The following DDR2 variants were observed in gnomAD, a reference collection of about 807,000 sequenced individuals.
DDR2 encodes discoidin domain-containing receptor 2.
A neutral mutation model predicts 94.9 loss-of-function variants in DDR2; 27 were observed. That is an observed-to-expected ratio of 0.28 (90% confidence interval 0.21 to 0.39). The LOEUF is 0.39. Among genes scored for constraint, DDR2 ranks in the 10% least tolerant of loss-of-function variants. The pLI, the probability that DDR2 is intolerant of heterozygous loss-of-function variation, is 1.00. For synonymous variants in DDR2, 382 were observed against 377.2 expected (o/e 1.01, Z -0.15); for missense variants, 783 against 1,076.0 (o/e 0.73, Z 3.81).
chr1:162,782,362 C>T lies in DDR2; in HGVS notation c.*2116C>T, dbSNP rs890473047. 1 of 152,150 alleles carries T rather than the reference C, an allele frequency of 6.6e-6. No individual in the cohort carries two copies. The highest frequency in any genetic ancestry group is 1.5e-5 in the Non-Finnish European group (1 of 68,046). The allele number at this position is 152,150 out of a possible 1,614,324, so 9.4% of individuals were successfully genotyped here. On this transcript the variant is annotated 3_prime_UTR_variant, in exon 18 of 18. Coordinates refer to ENST00000367921, the MANE Select transcript of DDR2 (RefSeq NM_006182.4). The stretch of plus-strand genomic sequence containing the variant: ...CATTTCTTGCTCTGAAAATTGTAGT[C>T]AGCAAAAGAGATCATGGAAGAAATC...
intron 3 of DDR2, among the ~76,000 whole-genome samples, chr1:162,743,348 A>T (rs547642631): frequency 6.6e-6 from 1 of 152,170 alleles, no homozygotes; most frequent in East Asian, 1.9e-4. Flanking sequence ...AAGCCTGGGC[A>T]TTATGCTCAC....
At chr1:162,648,694 T>G (rs890459995) in intron 1 of DDR2, among the ~76,000 whole-genome samples, 1 of 152,068 alleles carries the variant, frequency 6.6e-6, no homozygotes, top group African/African-American at 2.4e-5. Flanking sequence ...GGACAGGGTT[T>G]AGACCAGGGT....
chr1:162,657,700 T>C (rs1391394554), intron 2 of DDR2, among the ~76,000 whole-genome samples: 1 of 152,000 alleles, frequency 6.6e-6, no homozygotes, highest in African/African-American at 2.4e-5. Flanking sequence ...GATGTTAGAG[T>C]TCCCAGAGGG....
intron 1 of DDR2, among the ~76,000 whole-genome samples, chr1:162,646,403 A>G (rs1236209758): frequency 1.3e-5 from 2 of 152,178 alleles, no homozygotes; most frequent in Non-Finnish European, 2.9e-5. Flanking sequence ...AGTGTTTATT[A>G]TGCTCTAAAA....
At chr1:162,703,175 C>T (rs1040166697) in intron 2 of DDR2, among the ~76,000 whole-genome samples, 5 of 152,082 alleles carry the variant, frequency 3.3e-5, no homozygotes, top group Non-Finnish European at 7.4e-5. Flanking sequence ...TGCTATGTGC[C>T]ACGATGCCTA....
chr1:162,717,249 T>A (rs893873762), intron 2 of DDR2, among the ~76,000 whole-genome samples: 1 of 152,154 alleles, frequency 6.6e-6, no homozygotes, highest in African/African-American at 2.4e-5. Flanking sequence ...ATGGCCAGGC[T>A]GGTCTTGAAC....
At chr1:162,635,176 G>A (rs1200216648) in intron 1 of DDR2, among the ~76,000 whole-genome samples, 1 of 152,110 alleles carries the variant, frequency 6.6e-6, no homozygotes, top group Non-Finnish European at 1.5e-5. Context: ...CTGTGAACTC[G>A]CACTTTTCTT....
chr1:162,683,212 C>T (rs1340155224), intron 2 of DDR2, among the ~76,000 whole-genome samples: 1 of 152,112 alleles, frequency 6.6e-6, no homozygotes, highest in Admixed American at 6.5e-5. Flanking sequence ...AAAAAGTTTA[C>T]AGCTAACATC....
chr1:162,773,996 C>T (rs1276582998), intron 14 of DDR2, among the ~76,000 whole-genome samples: 1 of 152,214 alleles, frequency 6.6e-6, no homozygotes, highest in Non-Finnish European at 1.5e-5. Flanking sequence ...CTTCCAGTCT[C>T]CTTTTTTCAC....
intron 2 of DDR2, among the ~76,000 whole-genome samples, chr1:162,714,100 C>G (rs1661044881): frequency 6.6e-6 from 1 of 151,956 alleles, no homozygotes; most frequent in Admixed American, 6.6e-5. Context: ...ATATTGTCTC[C>G]CCTGTTGAAT....
chr1:162,744,147 A>G (rs1296775744), intron 3 of DDR2, among the ~76,000 whole-genome samples: 1 of 152,260 alleles, frequency 6.6e-6, no homozygotes, highest in East Asian at 1.9e-4. Context: ...AATCATAATG[A>G]TGATGACTGT....
intron 2 of DDR2, among the ~76,000 whole-genome samples, chr1:162,688,746 C>T (rs377559342): frequency 1.2e-3 from 178 of 152,290 alleles, no homozygotes; most frequent in African/African-American, 3.9e-3. Flanking sequence ...CTGGGTTGAA[C>T]TTAGCTATTA....
At chr1:162,723,019 A>G (rs919637750) in intron 3 of DDR2, among the ~76,000 whole-genome samples, 2 of 152,224 alleles carry the variant, frequency 1.3e-5, no homozygotes, top group Admixed American at 6.5e-5. Context: ...CTAAGCACAC[A>G]GGAAGTGACT....
At chr1:162,686,722 G>GGT (rs1659707214) in intron 2 of DDR2, among the ~76,000 whole-genome samples, 1 of 152,080 alleles carries the variant, frequency 6.6e-6, no homozygotes, top group Admixed American at 6.5e-5. Context: ...TAATCCTTTC[G>GGT]ATATATACCC....
intron 3 of DDR2, among the ~76,000 whole-genome samples, chr1:162,728,193 T>A (rs1661816065): frequency 6.9e-6 from 1 of 144,758 alleles, no homozygotes; most frequent in Non-Finnish European, 1.5e-5. Flanking sequence ...TATATATATA[T>A]AGATAGATAT....
intron 1 of DDR2, among the ~76,000 whole-genome samples, chr1:162,635,632 T>G (rs977572614): frequency 6.6e-6 from 1 of 152,218 alleles, no homozygotes; most frequent in African/African-American, 2.4e-5. Flanking sequence ...CAACAATGAC[T>G]AGTCAGTCCA....
intron 11 of DDR2, among the ~76,000 whole-genome samples, chr1:162,768,985 G>T (rs1432585628): frequency 6.6e-6 from 1 of 152,222 alleles, no homozygotes; most frequent in African/African-American, 2.4e-5. Flanking sequence ...TCATTGAACT[G>T]CTTGAAGAGG....
chr1:162,723,312 C>A (rs549046734), intron 3 of DDR2, among the ~76,000 whole-genome samples: 2 of 152,236 alleles, frequency 1.3e-5, no homozygotes, highest in Non-Finnish European at 2.9e-5. Flanking sequence ...CCTGTGGGAT[C>A]CTTGAGTCAA....
intron 2 of DDR2, among the ~76,000 whole-genome samples, chr1:162,674,746 A>G (rs1302120611): frequency 2.6e-5 from 4 of 152,246 alleles, no homozygotes; most frequent in African/African-American, 9.6e-5. Context: ...GCAGAGCACT[A>G]TACAGAGATT....
Sources: gnomAD v4.1 joint callset for allele counts (sites outside exome capture counted in the v4.1 genomes callset) on GRCh38, gnomAD v4.1.1 for gene constraint, MANE v1.5 for transcripts, NCBI Gene and HGNC (gene_info 2026-07-23, HGNC 2026-07-21) for gene names.